Variants in DSE observed in about 807,000 individuals in gnomAD.
The protein encoded by DSE is dermatan-sulfate epimerase.
DSE carries 36 observed loss-of-function variants against 84.4 expected under a neutral mutation model. The ratio of observed to expected loss-of-function variants is 0.43; its 90% CI spans 0.33 to 0.56. The LOEUF is 0.56. Among genes scored for constraint, DSE ranks in the 20% least tolerant of loss-of-function variants. DSE has a pLI of 0.06. For missense variants in DSE, 862 were observed against 1,169.6 expected (o/e 0.74, Z 3.84); for synonymous variants, 410 against 430.1 (o/e 0.95, Z 0.58).
chr6:116,354,224 C>A (rs145983890), intron 2 of DSE, among the ~76,000 whole-genome samples: 241 of 152,060 alleles, frequency 1.6e-3, no homozygotes, highest in African/African-American at 5.5e-3. Flanking sequence ...GAGCAAAATC[C>A]CTTTAAAATT....
intron 2 of DSE, among the ~76,000 whole-genome samples, chr6:116,315,988 TA>T (rs895703666): frequency 4.6e-5 from 7 of 151,470 alleles, no homozygotes; most frequent in Admixed American, 3.3e-4. Context: ...AGATTCTGTC[TA>T]AAAAAAAACT....
chr6:116,381,336 C>G (rs1470858493), intron 1 of DSE, among the ~76,000 whole-genome samples: 1 of 151,874 alleles, frequency 6.6e-6, no homozygotes, highest in East Asian at 1.9e-4. Context: ...AGAGAGGAAA[C>G]GAGGGATGAG....
chr6:116,316,859 C>T (rs377090356), intron 2 of DSE, among the ~76,000 whole-genome samples: 5 of 104,160 alleles, frequency 4.8e-5, no homozygotes, highest in Admixed American at 8.7e-5. Flanking sequence ...ATTACTGCTA[C>T]TACTACTACT....
chr6:116,254,415 G>C, intron 1 of DSE: 1 of 433,980 alleles, frequency 2.3e-6, no homozygotes, highest in Non-Finnish European at 4.6e-6. Context: ...TCAGTTCATA[G>C]GGCTTCTCCT....
At chr6:116,385,289 A>G (rs776145890) in intron 1 of DSE, among the ~76,000 whole-genome samples, 1 of 152,196 alleles carries the variant, frequency 6.6e-6, no homozygotes, top group Non-Finnish European at 1.5e-5. Flanking sequence ...AGTGTTTTAA[A>G]TAGAGTGGTG....
At chr6:116,413,226 C>T (rs1051331083) in intron 2 of DSE, among the ~76,000 whole-genome samples, 1 of 152,130 alleles carries the variant, frequency 6.6e-6, no homozygotes, top group Non-Finnish European at 1.5e-5. Context: ...CATGAGATAG[C>T]CCTTGCATTT....
chr6:116,421,915 C>G (rs1783119785), intron 2 of DSE, among the ~76,000 whole-genome samples: 1 of 152,064 alleles, frequency 6.6e-6, no homozygotes, highest in Non-Finnish European at 1.5e-5. Context: ...ATGTGATTGA[C>G]AAGGGAGGAG....
At position 116,433,837 on chromosome 6, in the gene DSE, T is replaced by G. The variant is rs190571117; in HGVS notation, c.1118+287T>G. On this transcript the variant is annotated intron_variant, in intron 5 of 5. Coordinates refer to ENST00000644252, the MANE Select transcript of DSE (RefSeq NM_013352.4). ...TAATAGGTAGTGTTAGAAACATTTCTTTATGTTTAACATCTAATTACTGTT... is the reference window on the plus strand; with the variant it reads ...TAATAGGTAGTGTTAGAAACATTTCGTTATGTTTAACATCTAATTACTGTT... Among the ~76,000 whole-genome samples, 536 of 152,316 alleles carry G rather than the reference T, an allele frequency of 3.5e-3. 1 individual carries two copies. The highest frequency in any genetic ancestry group is 0.012 in the African/African-American group (505 of 41,572).
intron 2 of DSE, among the ~76,000 whole-genome samples, chr6:116,322,183 A>T (rs758347287): frequency 4.0e-5 from 6 of 151,250 alleles, no homozygotes; most frequent in Non-Finnish European, 7.4e-5. Flanking sequence ...CAGGATAGGG[A>T]TTTTCACAGT....
chr6:116,319,158 A>AGGGAATAGAT (rs1006095279), intron 2 of DSE, among the ~76,000 whole-genome samples: 1 of 152,226 alleles, frequency 6.6e-6, no homozygotes, highest in African/African-American at 2.4e-5. Flanking sequence ...TAAATATTAT[A>AGGGAATAGAT]GGGAATAGAT....
In DSE at chr6:116,426,504, G is replaced by A. The variant is rs1783462830; in HGVS notation, c.417-70G>A. On this transcript the variant is annotated intron_variant, in intron 2 of 5. Transcript: ENST00000644252. ...GTGTGCCCTTTAGTTCTGAGAAATA[G>A]ACACTTTAGAAGTGTGGTGAAAGCT... The A allele has an allele frequency of 4.5e-6, 7 of 1,551,776 alleles. No homozygotes were observed. The South Asian group carries it at 8.6e-5, about 19-fold the overall frequency.
chr6:116,424,182 CT>C (rs1196406152), intron 2 of DSE, among the ~76,000 whole-genome samples: 1 of 152,178 alleles, frequency 6.6e-6, no homozygotes, highest in Non-Finnish European at 1.5e-5. Flanking sequence ...CCTGGCTTCC[CT>C]GCCTGGCCCA....
At chr6:116,414,023 C>T (rs1380828226) in intron 2 of DSE, among the ~76,000 whole-genome samples, 6 of 152,228 alleles carry the variant, frequency 3.9e-5, no homozygotes, top group East Asian at 1.9e-4. Context: ...GTTCAGGCAG[C>T]GACAGGAAGA....
intron 2 of DSE, among the ~76,000 whole-genome samples, chr6:116,405,010 A>G (rs1291371558): frequency 1.5e-4 from 23 of 149,898 alleles, no homozygotes; most frequent in Non-Finnish European, 2.7e-4. Flanking sequence ...TTTGCAACAG[A>G]CTGAGTATTA....
chr6:116,259,088 C>A (rs1326339798), intron 2 of DSE: 1 of 1,542,858 alleles, frequency 6.5e-7, no homozygotes. Flanking sequence ...TCTGCCACTG[C>A]TGGTGCTGCT....
At chr6:116,310,656 T>C (rs1184512295) in intron 2 of DSE, among the ~76,000 whole-genome samples, 1 of 151,432 alleles carries the variant, frequency 6.6e-6, no homozygotes, top group Non-Finnish European at 1.5e-5. Flanking sequence ...CTTCAAAGTA[T>C]ATCCCAAATC....
At chr6:116,308,605 T>C (rs772690016) in intron 2 of DSE, among the ~76,000 whole-genome samples, 2 of 152,196 alleles carry the variant, frequency 1.3e-5, no homozygotes, top group Admixed American at 6.5e-5. Context: ...GCAATTTACA[T>C]AAACTCTTGA....
At chr6:116,422,490 C>T (rs1042947780) in intron 2 of DSE, among the ~76,000 whole-genome samples, 2 of 152,110 alleles carry the variant, frequency 1.3e-5, no homozygotes, top group Non-Finnish European at 2.9e-5. Context: ...ATGAAAAAAC[C>T]GAGCTAGCTC....
At chr6:116,266,755 T>A (rs1391686347) in intron 2 of DSE, among the ~76,000 whole-genome samples, 2 of 151,744 alleles carry the variant, frequency 1.3e-5, no homozygotes. Flanking sequence ...TTTCTTACTT[T>A]CTTTCTTAGT....
Sources: gnomAD v4.1 joint callset for allele counts (sites outside exome capture counted in the v4.1 genomes callset) on GRCh38, gnomAD v4.1.1 for gene constraint, MANE v1.5 for transcripts, NCBI Gene and HGNC (gene_info 2026-07-23, HGNC 2026-07-21) for gene names.